Variants in ASMT observed in about 807,000 individuals in gnomAD.
ASMT encodes acetylserotonin N-methyltransferase.
In ASMT, 53 loss-of-function variants were observed where a neutral mutation model predicts 41.3. The ratio of observed to expected loss-of-function variants is 1.28; its 90% CI spans 1.03 to 1.61. The LOEUF is 1.61. Ranked by LOEUF, ASMT falls within the 40% of genes most tolerant of loss-of-function variation. ASMT has a pLI of 0.00. For synonymous variants in ASMT, 231 were observed against 184.8 expected, an observed-to-expected ratio of 1.25 and a Z score of -2.03; for missense variants, 531 against 441.3, an observed-to-expected ratio of 1.20 and a Z score of -1.82.
intron 8 of ASMT, among the ~76,000 whole-genome samples, chrX:1,642,011 C>CTGTG (rs1350826483): frequency 6.8e-6 from 1 of 146,784 alleles, no homozygotes; most frequent in African/African-American, 2.5e-5. Flanking sequence ...GGCACAGCCT[C>CTGTG]TGTGTGTAAT....
chrX:1,626,357 C>A (rs2149465112), intron 3 of ASMT, among the ~76,000 whole-genome samples: 1 of 151,878 alleles, frequency 6.6e-6, no homozygotes, highest in South Asian at 2.1e-4. Flanking sequence ...GCCTCAGCCT[C>A]CCCAGTAGCT....
intron 1 of ASMT, among the ~76,000 whole-genome samples, chrX:1,620,537 A>G (rs1398600253): frequency 6.6e-6 from 1 of 152,116 alleles, no homozygotes; most frequent in Non-Finnish European, 1.5e-5. Context: ...ACTTACTGAA[A>G]CAAACAGTCA....
At chrX:1,623,939 A>C (rs1934428939) in intron 2 of ASMT, among the ~76,000 whole-genome samples, 1 of 152,036 alleles carries the variant, frequency 6.6e-6, no homozygotes, top group Admixed American at 6.6e-5. Flanking sequence ...GTGAGCCACC[A>C]CGCCCGGCCT....
chrX:1,634,052 C>CATGTGTCCAGACCATGCAGGCCTCTCCT (rs1297778752), intron 7 of ASMT, among the ~76,000 whole-genome samples: 26 of 151,226 alleles, frequency 1.7e-4, no homozygotes, highest in Middle Eastern at 3.4e-3. Context: ...GGATTACAGG[C>CATGTGTCCAGACCATGCAGGCCTCTCCT]GTGAGCCACC....
chrX:1,637,366 C>A lies in ASMT; in HGVS notation c.910+806C>A, dbSNP rs77328376. 6.2e-3 allele frequency among the ~76,000 whole-genome samples: 6 copies of A among 966 alleles called. 2 individuals are homozygous for A. The highest frequency in any genetic ancestry group is 8.4e-3 in the Non-Finnish European group (5 of 598). The allele number at this position is 966 out of a possible 152,430, so 0.6% of individuals were successfully genotyped here. A position where few individuals can be genotyped will look rare whatever the true frequency, so the allele number is the denominator to read the frequency against. ...TCCCAGTGTCCTGTGAGATCCATCC[C>A]TCCTGATGCTTCACGAGGACGTGGG... On this transcript the variant is annotated intron_variant, in intron 8 of 8. Coordinates refer to ENST00000381241, the MANE Select transcript of ASMT (RefSeq NM_001171038.2).
At chrX:1,636,029 C>T (rs1331920763) in intron 7 of ASMT, among the ~76,000 whole-genome samples, 1 of 149,638 alleles carries the variant, frequency 6.7e-6, no homozygotes, top group Non-Finnish European at 1.5e-5. Context: ...AATCTCGGCT[C>T]ACTGCAAGCT....
intron 1 of ASMT, among the ~76,000 whole-genome samples, chrX:1,619,538 A>G (rs1209591209): frequency 7.0e-6 from 1 of 142,268 alleles, no homozygotes; most frequent in Admixed American, 7.2e-5. Flanking sequence ...CATGTACCCC[A>G]GAACTTAAAG....
At chrX:1,631,519 C>A (rs1260667762) in intron 5 of ASMT, among the ~76,000 whole-genome samples, 11 of 152,144 alleles carry the variant, frequency 7.2e-5, no homozygotes, top group African/African-American at 2.7e-4. Context: ...AGGCCCTTTG[C>A]AGAGTGAGGA....
intron 1 of ASMT, among the ~76,000 whole-genome samples, chrX:1,620,565 C>T (rs1179732966): frequency 2.6e-5 from 4 of 152,054 alleles, no homozygotes; most frequent in Non-Finnish European, 5.9e-5. Context: ...CTTAACCAAA[C>T]AGGAATTGAT....
chrX:1,629,473 C>T (rs1362471135), intron 4 of ASMT, among the ~76,000 whole-genome samples: 7 of 152,170 alleles, frequency 4.6e-5, no homozygotes, highest in Non-Finnish European at 4.4e-5. Flanking sequence ...ACCTCCCACC[C>T]GCTTCCTGGA....
At chrX:1,616,159 T>G (rs184052949) in intron 1 of ASMT, among the ~76,000 whole-genome samples, 2,222 of 146,730 alleles carry the variant, frequency 0.015, 112 homozygotes, top group African/African-American at 0.052. Context: ...CTCCCGAGTA[T>G]CTGGGATTAC....
chrX:1,624,014 T>C (rs2149463332), intron 2 of ASMT, among the ~76,000 whole-genome samples: 1 of 152,162 alleles, frequency 6.6e-6, no homozygotes, highest in Non-Finnish European at 1.5e-5. Flanking sequence ...TCATCTGCCT[T>C]TGTACTTGCT....
At chrX:1,628,093 G>C (rs1934625269) in intron 4 of ASMT, 1 of 401,614 alleles carries the variant, frequency 2.5e-6, no homozygotes, top group African/African-American at 2.0e-5. Flanking sequence ...GGCCGAGGCA[G>C]GTGGATCACC....
At chrX:1,633,039 G>A in intron 6 of ASMT, 111 bp from the exon 7 acceptor site, 4 of 1,265,046 alleles carry the variant, frequency 3.2e-6, no homozygotes, top group Non-Finnish European at 4.6e-6. Flanking sequence ...AGACATGGCG[G>A]AAGGACCCAA....
intron 8 of ASMT, 62 bp downstream of exon 8, chrX:1,636,622 A>C (rs1934976887): frequency 6.2e-7 from 1 of 1,612,826 alleles, no homozygotes; most frequent in Non-Finnish European, 8.5e-7. Flanking sequence ...TGTACGAGTC[A>C]CATTTAGAAG....
intron 1 of ASMT, among the ~76,000 whole-genome samples, chrX:1,619,801 G>A (rs549120624): frequency 6.6e-6 from 1 of 151,374 alleles, no homozygotes; most frequent in East Asian, 2.0e-4. Context: ...ATTTAAAAAG[G>A]TTAATACGGG....
intron 8 of ASMT, among the ~76,000 whole-genome samples, chrX:1,642,111 G>GATAA: frequency 6.8e-6 from 1 of 146,140 alleles, no homozygotes; most frequent in East Asian, 2.1e-4. Flanking sequence ...GTGTGTGATG[G>GATAA]GGACGGTGTC....
intron 6 of ASMT, 85 bp downstream of exon 6, chrX:1,632,872 G>A (rs1282110405): frequency 2.3e-4 from 123 of 537,006 alleles, no homozygotes; most frequent in Non-Finnish European, 2.7e-5. Context: ...GGGCTGGGAG[G>A]CTGGGGGAGG....
intron 1 of ASMT, among the ~76,000 whole-genome samples, chrX:1,616,760 G>A (rs1232420204): frequency 6.7e-6 from 1 of 149,612 alleles, no homozygotes; most frequent in South Asian, 2.1e-4. Flanking sequence ...CCAGGCTGGA[G>A]TGCAATGGCA....
Sources: gnomAD v4.1 joint callset for allele counts (sites outside exome capture counted in the v4.1 genomes callset) on GRCh38, gnomAD v4.1.1 for gene constraint, MANE v1.5 for transcripts, NCBI Gene and HGNC (gene_info 2026-07-23, HGNC 2026-07-21) for gene names.